HKDC1: variants seen among roughly 807,000 people sequenced by gnomAD.
The protein encoded by HKDC1 is hexokinase HKDC1.
HKDC1 carries 66 observed loss-of-function variants against 96.6 expected under a neutral mutation model. The observed-to-expected ratio is 0.68, with a 90% CI of 0.56 to 0.84. HKDC1 has a LOEUF of 0.84. HKDC1 is among the 40% of genes least tolerant of loss of function. The pLI, the probability that HKDC1 is intolerant of heterozygous loss-of-function variation, is 0.00. For synonymous variants in HKDC1, 466 were observed against 473.1 expected (o/e 0.98, Z 0.20); for missense variants, 1,211 against 1,208.1 (o/e 1.00, Z -0.04).
chr10:69,227,580 C>T (rs1589402076), intron 2 of HKDC1, among the ~76,000 whole-genome samples: 1 of 150,972 alleles, frequency 6.6e-6, no homozygotes, highest in Non-Finnish European at 1.5e-5. Context: ...CTCTGCCCAT[C>T]GTGGCCTCAC....
intron 16 of HKDC1, chr10:69,261,558 C>T (rs1843811338): frequency 2.7e-6 from 1 of 374,412 alleles, no homozygotes. Context: ...CCACATCTTA[C>T]ATCAGTTCAT....
intron 4 of HKDC1, among the ~76,000 whole-genome samples, chr10:69,235,758 G>A (rs765807436): frequency 6.6e-6 from 1 of 152,218 alleles, no homozygotes; most frequent in East Asian, 1.9e-4. Flanking sequence ...GGGTGTGAAC[G>A]GATGGTTTAT....
chr10:69,263,477 G>A (rs753608738), intron 16 of HKDC1, among the ~76,000 whole-genome samples: 17 of 152,282 alleles, frequency 1.1e-4, no homozygotes, highest in Non-Finnish European at 2.4e-4. Context: ...GGTAGGTGCT[G>A]TGCTGACTGC....
intron 12 of HKDC1, 133 bp from the exon 13 acceptor site, chr10:69,256,903 G>A: frequency 1.5e-6 from 1 of 682,180 alleles, no homozygotes; most frequent in Non-Finnish European, 2.7e-6. Flanking sequence ...GGGTTGTGGA[G>A]GTGGAGGCAT....
chr10:69,242,611 T>C (rs181205205), intron 6 of HKDC1, among the ~76,000 whole-genome samples: 1 of 152,318 alleles, frequency 6.6e-6, no homozygotes, highest in Non-Finnish European at 1.5e-5. Flanking sequence ...GGTGCCCACT[T>C]GCAGTCATTC....
chr10:69,250,142 C>T, intron 10 of HKDC1, 148 bp from the exon 11 acceptor site: 1 of 799,514 alleles, frequency 1.3e-6, no homozygotes, highest in East Asian at 2.6e-5. Flanking sequence ...GGCCCGGGCA[C>T]TGTGCAGGGT....
intron 12 of HKDC1, among the ~76,000 whole-genome samples, chr10:69,255,858 G>C (rs549129903): frequency 1.3e-5 from 2 of 151,588 alleles, no homozygotes; most frequent in Non-Finnish European, 2.9e-5. Context: ...CAGAGGTTGC[G>C]GTGAGTTGAG....
At chr10:69,220,636 T>A in intron 1 of HKDC1, 138 bp downstream of exon 1, 1 of 552,820 alleles carries the variant, frequency 1.8e-6, no homozygotes, top group Non-Finnish European at 3.1e-6. Flanking sequence ...AGTAAAAGAC[T>A]CACTGAGGGA....
intron 2 of HKDC1, among the ~76,000 whole-genome samples, chr10:69,228,450 T>A (rs1443321736): frequency 6.6e-6 from 1 of 152,134 alleles, no homozygotes; most frequent in African/African-American, 2.4e-5. Flanking sequence ...GATGTGAGCA[T>A]CTTTGTTGGG....
intron 15 of HKDC1, among the ~76,000 whole-genome samples, chr10:69,260,820 G>C (rs1201985506): frequency 6.6e-6 from 1 of 152,202 alleles, no homozygotes; most frequent in Admixed American, 6.5e-5. Flanking sequence ...TTAACTCACA[G>C]AGTAGAATTT....
intron 8 of HKDC1, 108 bp from the exon 9 acceptor site, chr10:69,247,252 A>G (rs1843555648): frequency 1.4e-6 from 1 of 722,386 alleles, no homozygotes. Context: ...TATACCATGG[A>G]CCTGCCTATT....
chr10:69,245,706 G>A (rs1843530189), intron 7 of HKDC1, among the ~76,000 whole-genome samples: 1 of 152,140 alleles, frequency 6.6e-6, no homozygotes, highest in African/African-American at 2.4e-5. Flanking sequence ...CCACATTGTT[G>A]TAGAGCCTGT....
At chr10:69,233,766 C>T (rs942006441) in intron 4 of HKDC1, among the ~76,000 whole-genome samples, 39 of 151,946 alleles carry the variant, frequency 2.6e-4, no homozygotes, top group Non-Finnish European at 4.4e-4. Flanking sequence ...GGTGTGGTGC[C>T]GGGCGCCTGT....
intron 16 of HKDC1, among the ~76,000 whole-genome samples, chr10:69,265,110 AAAAGTT>A (rs1843873236): frequency 6.6e-6 from 1 of 152,246 alleles, no homozygotes; most frequent in Non-Finnish European, 1.5e-5. Flanking sequence ...GAGAATCAGA[AAAAGTT>A]AAATAGAAGG....
chr10:69,231,731 T>C (rs1035341942), intron 2 of HKDC1, among the ~76,000 whole-genome samples: 4 of 152,174 alleles, frequency 2.6e-5, no homozygotes, highest in African/African-American at 9.7e-5. Flanking sequence ...ACCTAACACA[T>C]GTTACTCAGC....
intron 1 of HKDC1, among the ~76,000 whole-genome samples, chr10:69,223,832 C>G (rs2132327990): frequency 6.6e-6 from 1 of 150,690 alleles, no homozygotes; most frequent in East Asian, 2.0e-4. Flanking sequence ...ATCCGCCCGC[C>G]TCGGCCTCCC....
In HKDC1 at chr10:69,236,637, G is replaced by A. The variant is rs532658958; in HGVS notation, c.496-2405G>A. Reference sequence around the variant, plus strand: ...CTCTACTAAAAGCACAAAATTAGTCGGGCGTGGTGGCACATGCCTGTAATC... The same window carrying A: ...CTCTACTAAAAGCACAAAATTAGTCAGGCGTGGTGGCACATGCCTGTAATC... On this transcript the variant is annotated intron_variant, in intron 4 of 17. Transcript: ENST00000354624. Among the ~76,000 whole-genome samples, 5 of 151,828 alleles carry A rather than the reference G, an allele frequency of 3.3e-5. No individual in the cohort carries two copies. In the South Asian group the frequency reaches 6.3e-4, roughly 19 times the overall value.
Position 69,232,930 on chromosome 10 carries a change from C to G in HKDC1, c.375+18C>G. The G allele has an allele frequency of 6.2e-7, 1 of 1,612,132 alleles. No individual in the cohort carries two copies. Among genetic ancestry groups the G allele is most frequent in the Non-Finnish European group, 8.5e-7 (1 of 1,180,024 alleles). On this transcript the variant is annotated intron_variant, in intron 3 of 17. Coordinates refer to ENST00000354624, the MANE Select transcript of HKDC1 (RefSeq NM_025130.4). The stretch of plus-strand genomic sequence containing the variant: ...GCACAGAGGTACCTGGCAGGTGGCT[C>G]CTGTGACCGCAGGGAAGGCGGTGGC...
intron 4 of HKDC1, among the ~76,000 whole-genome samples, chr10:69,234,447 G>T (rs1056031588): frequency 6.6e-6 from 1 of 152,172 alleles, no homozygotes; most frequent in South Asian, 2.1e-4. Flanking sequence ...TAGAGATGAG[G>T]TCTCACTATA....
Sources: gnomAD v4.1 joint callset for allele counts (sites outside exome capture counted in the v4.1 genomes callset) on GRCh38, gnomAD v4.1.1 for gene constraint, MANE v1.5 for transcripts, NCBI Gene and HGNC (gene_info 2026-07-23, HGNC 2026-07-21) for gene names.